Variants in NFIA observed in about 807,000 individuals in gnomAD.
NFIA encodes nuclear factor 1 A-type.
NFIA carries 8 observed loss-of-function variants against 62.8 expected under a neutral mutation model. The observed-to-expected ratio is 0.13, with a 90% CI of 0.07 to 0.23. The LOEUF is 0.23. Ranked by LOEUF, NFIA falls within the 10% of genes least tolerant of loss-of-function variation. The probability of loss-of-function intolerance (pLI) is 1.00; values close to 1 mark genes in which losing one functional copy is unlikely to be tolerated. For synonymous variants in NFIA, 235 were observed against 238.1 expected (o/e 0.99, Z 0.12); for missense variants, 410 against 642.1 (o/e 0.64, Z 3.91).
chr1:61,252,820 C>T (rs189653608), intron 2 of NFIA, among the ~76,000 whole-genome samples: 82 of 152,250 alleles, frequency 5.4e-4, no homozygotes, highest in Admixed American at 9.8e-4. Context: ...CTTCTTCATC[C>T]ATTTTTTCAA....
intron 2 of NFIA, among the ~76,000 whole-genome samples, chr1:61,095,198 G>A (rs1646389325): frequency 6.6e-6 from 1 of 152,168 alleles, no homozygotes; most frequent in Admixed American, 6.5e-5. Flanking sequence ...TAGATCAATT[G>A]GGAGTAGAGA....
chr1:61,359,312 G>A (rs1663156515), intron 6 of NFIA, 38 bp downstream of exon 6: 1 of 1,611,322 alleles, frequency 6.2e-7, no homozygotes, highest in African/African-American at 1.3e-5. Context: ...GGCTAACACT[G>A]TGAAACTGAA....
At chr1:61,236,916 G>T (rs185357876) in intron 2 of NFIA, among the ~76,000 whole-genome samples, 1 of 152,252 alleles carries the variant, frequency 6.6e-6, no homozygotes, top group Non-Finnish European at 1.5e-5. Flanking sequence ...CATAGCCAAT[G>T]ACTCTTTCAT....
rs145620596 is a variant in NFIA at position 61,295,795 on chromosome 1, A to G, written c.625+18210A>G. Among the ~76,000 whole-genome samples, 785 of 152,362 alleles carry G rather than the reference A, an allele frequency of 5.2e-3. 6 individuals are homozygous for G. The highest frequency in any genetic ancestry group is 0.018 in the African/African-American group (755 of 41,590). ...AAAGCACTTTATGAACAATCAAGCCATATGTAAAATGAGCTATTGTAATAA... is the reference window on the plus strand; with the variant it reads ...AAAGCACTTTATGAACAATCAAGCCGTATGTAAAATGAGCTATTGTAATAA... On this transcript the variant is annotated intron_variant, in intron 3 of 10. Coordinates refer to ENST00000403491, the MANE Select transcript of NFIA (RefSeq NM_001134673.4).
intron 2 of NFIA, among the ~76,000 whole-genome samples, chr1:61,192,081 C>A (rs1014622055): frequency 6.6e-6 from 1 of 151,980 alleles, no homozygotes; most frequent in Non-Finnish European, 1.5e-5. Context: ...TCCTCAGCCT[C>A]CCGAGTAGCT....
At position 61,112,648 on chromosome 1, in the gene NFIA, C is replaced by G. The variant is rs144641435; in HGVS notation, c.559+23968C>G. On this transcript the variant is annotated intron_variant, in intron 2 of 10. Transcript: ENST00000403491. ...GCTCACATCTGTAATCAGAAACTTA[C>G]TGTTTAATGGCCACCCAATTGCCAT... Among the ~76,000 whole-genome samples, 86 of 152,256 alleles carry G rather than the reference C, an allele frequency of 5.6e-4. 1 individual carries two copies. Among genetic ancestry groups the G allele is most frequent in the African/African-American group, 2.0e-3 (84 of 41,566 alleles).
intron 6 of NFIA, among the ~76,000 whole-genome samples, chr1:61,371,192 T>G (rs748155700): frequency 6.6e-6 from 1 of 152,150 alleles, no homozygotes; most frequent in Non-Finnish European, 1.5e-5. Flanking sequence ...AAGCAACACT[T>G]CATGTTCGAA....
intron 2 of NFIA, among the ~76,000 whole-genome samples, chr1:61,129,887 A>G (rs950524005): frequency 6.6e-6 from 1 of 152,044 alleles, no homozygotes; most frequent in African/African-American, 2.4e-5. Context: ...AGACATTCCT[A>G]CTCCTACAGA....
intron 2 of NFIA, among the ~76,000 whole-genome samples, chr1:61,249,558 T>G (rs1482934121): frequency 6.6e-6 from 1 of 152,284 alleles, no homozygotes; most frequent in East Asian, 1.9e-4. Context: ...CCCAGCACTT[T>G]CGGAGGCCGA....
At chr1:61,329,777 T>G (rs914653457) in intron 3 of NFIA, among the ~76,000 whole-genome samples, 4 of 152,174 alleles carry the variant, frequency 2.6e-5, no homozygotes, top group Non-Finnish European at 5.9e-5. Flanking sequence ...CCGTAGACAT[T>G]TATTGAATAA....
intron 2 of NFIA, among the ~76,000 whole-genome samples, chr1:61,160,201 G>C (rs190130940): frequency 5.5e-4 from 83 of 152,222 alleles, no homozygotes; most frequent in African/African-American, 1.8e-3. Flanking sequence ...CCCCTGTTGC[G>C]TCATCTTTAA....
intron 4 of NFIA, among the ~76,000 whole-genome samples, chr1:61,336,871 A>G (rs1333767552): frequency 1.3e-5 from 2 of 152,038 alleles, no homozygotes; most frequent in African/African-American, 4.8e-5. Flanking sequence ...TGAAAATTTC[A>G]CAGTCATCAT....
chr1:61,234,623 T>C (rs1199784808), intron 2 of NFIA, among the ~76,000 whole-genome samples: 11 of 152,144 alleles, frequency 7.2e-5, no homozygotes. Context: ...CCCCTAATGG[T>C]TAGCTCTAGT....
chr1:61,231,364 A>G (rs990968085), intron 2 of NFIA, among the ~76,000 whole-genome samples: 3 of 152,224 alleles, frequency 2.0e-5, no homozygotes, highest in Non-Finnish European at 2.9e-5. Context: ...ATAAAGTCCT[A>G]TGAATTAGGA....
intron 2 of NFIA, among the ~76,000 whole-genome samples, chr1:61,245,573 T>G (rs143898581): frequency 1.0e-3 from 159 of 152,226 alleles, no homozygotes; most frequent in African/African-American, 3.6e-3. Context: ...GAGATAATAT[T>G]AGGATAAATA....
At chr1:61,284,923 T>C (rs1658389205) in intron 3 of NFIA, among the ~76,000 whole-genome samples, 1 of 152,208 alleles carries the variant, frequency 6.6e-6, no homozygotes, top group Non-Finnish European at 1.5e-5. Context: ...GCCTATTGAA[T>C]GTAACGTTCC....
intron 2 of NFIA, among the ~76,000 whole-genome samples, chr1:61,098,457 T>C (rs1195752418): frequency 6.6e-6 from 1 of 152,226 alleles, no homozygotes; most frequent in Non-Finnish European, 1.5e-5. Context: ...GATGGATTCA[T>C]TTAGTTGGCT....
Position 61,404,033 on chromosome 1 carries a change from A to G in NFIA, c.1076-71A>G, listed in dbSNP as rs2100520714. On this transcript the variant is annotated intron_variant, in intron 7 of 10. Coordinates refer to ENST00000403491, the MANE Select transcript of NFIA (RefSeq NM_001134673.4). ...GGCCAGGAAGAGAAATAAAGGAGGA[A>G]GTTGAATCGGGTTCAGCTATGACAA... is the stretch of plus-strand genomic sequence containing the variant. 9 of 1,522,350 alleles carry G rather than the reference A, an allele frequency of 5.9e-6. No homozygotes were observed. The Middle Eastern group carries it at 5.8e-4, about 98-fold the overall frequency. The allele number at this position is 1,522,350 out of a possible 1,614,324, so 94.3% of individuals were successfully genotyped here. A position where few individuals can be genotyped will look rare whatever the true frequency, so the allele number is the denominator to read the frequency against.
intron 2 of NFIA, among the ~76,000 whole-genome samples, chr1:61,196,558 CATGCTA>C (rs1320479231): frequency 6.6e-6 from 1 of 152,054 alleles, no homozygotes; most frequent in Non-Finnish European, 1.5e-5. Flanking sequence ...TCAAAGATCT[CATGCTA>C]ATATATAGGA....
Sources: allele counts gnomAD v4.1 joint callset (sites outside exome capture counted in the v4.1 genomes callset), GRCh38; gene constraint gnomAD v4.1.1; transcripts MANE v1.5; gene names NCBI Gene and HGNC (gene_info 2026-07-23, HGNC 2026-07-21).